Variants in MTREX observed in about 807,000 individuals in gnomAD.
MTREX encodes the protein Mtr4 exosome RNA helicase, also known as exosome RNA helicase MTR4.
Under a neutral mutation model 135.4 loss-of-function variants are expected in MTREX, and 76 were observed. That is an observed-to-expected ratio of 0.56 (90% confidence interval 0.47 to 0.68). The LOEUF (loss-of-function observed/expected upper bound fraction) is 0.68, where lower values mean the gene tolerates loss of function less well. Ranked by LOEUF, MTREX falls within the 30% of genes least tolerant of loss-of-function variation. MTREX has a pLI of 0.00. For missense variants in MTREX, 920 were observed against 1,262.1 expected (o/e 0.73, Z 4.11); for synonymous variants, 404 against 401.6 (o/e 1.01, Z -0.07).
intron 18 of MTREX, among the ~76,000 whole-genome samples, 176 bp from the exon 19 acceptor site, chr5:55,387,798 A>C (rs111864644): frequency 6.6e-6 from 1 of 152,102 alleles, no homozygotes; most frequent in Admixed American, 6.6e-5. Context: ...TTCTCATCCA[A>C]TGGAACATGT....
At chr5:55,416,253 C>G (rs1750964162) in intron 25 of MTREX, 121 bp downstream of exon 25, 1 of 606,602 alleles carries the variant, frequency 1.6e-6, no homozygotes, top group Non-Finnish European at 2.7e-6. Flanking sequence ...GAAATCTTCT[C>G]CCTATTATAT....
chr5:55,308,285 T>C (rs923864316), intron 1 of MTREX, 138 bp downstream of exon 1: 23 of 1,042,714 alleles, frequency 2.2e-5, no homozygotes, highest in Admixed American at 1.4e-4. Context: ...CAGAAAAAAG[T>C]TGGAGAGGGT....
At chr5:55,369,219 CTTAATA>C (rs1217733065) in intron 16 of MTREX, among the ~76,000 whole-genome samples, 14 of 152,076 alleles carry the variant, frequency 9.2e-5, no homozygotes, top group East Asian at 1.9e-4. Flanking sequence ...CAGATTAGTA[CTTAATA>C]TTAATTTTAC....
intron 2 of MTREX, 136 bp downstream of exon 2, chr5:55,322,600 C>T: frequency 1.6e-6 from 1 of 612,448 alleles, no homozygotes; most frequent in East Asian, 3.0e-5. Flanking sequence ...TATTTTTACA[C>T]AGGCATGTAA....
intron 19 of MTREX, among the ~76,000 whole-genome samples, chr5:55,394,555 G>A (rs1159829198): frequency 1.3e-5 from 2 of 152,058 alleles, no homozygotes; most frequent in Non-Finnish European, 2.9e-5. Context: ...CCTTGCATGT[G>A]CCATGTTTGC....
Position 55,391,628 on chromosome 5 carries a change from C to CT in MTREX, c.2181+3527dup, listed in dbSNP as rs372795879. Among the ~76,000 whole-genome samples, 203 of 152,310 alleles carry CT rather than the reference C, an allele frequency of 1.3e-3. 2 individuals carry two copies. The Middle Eastern group carries it at 0.024, about 18-fold the overall frequency. On this transcript the variant is annotated intron_variant, in intron 19 of 26. Coordinates refer to ENST00000230640, the MANE Select transcript of MTREX (RefSeq NM_015360.5). Reference sequence around the variant, plus strand: ...TAAGGAGGAACAGAGGACTAAAACTCTGACTGCTGTTCTTTGTTCTAAATT... The same window carrying CT: ...TAAGGAGGAACAGAGGACTAAAACTCTTGACTGCTGTTCTTTGTTCTAAATT...
chr5:55,307,994 T>C lies in MTREX; in HGVS notation c.-20T>C, dbSNP rs2290595. ...GGGCATCGTGGGTAGGAGGGAGATT[T>C]GCTCTCACTGCTCCCAAAAATGGCG... On this transcript the variant is annotated 5_prime_UTR_variant, in exon 1 of 27. Transcript: ENST00000230640. 518,905 of 1,613,454 alleles carry C rather than the reference T, an allele frequency of 0.32. 88,625 individuals are homozygous for C. The highest frequency in any genetic ancestry group is 0.56 in the African/African-American group (41,845 of 74,908).
intron 12 of MTREX, 101 bp downstream of exon 12, chr5:55,349,753 A>G: frequency 5.9e-6 from 4 of 676,512 alleles, no homozygotes; most frequent in Non-Finnish European, 8.0e-6. Flanking sequence ...CTTTTCACAC[A>G]CTGTAGCATA....
chr5:55,375,937 G>A (rs543782580), intron 16 of MTREX, among the ~76,000 whole-genome samples: 110 of 152,294 alleles, frequency 7.2e-4, no homozygotes, highest in Admixed American at 1.1e-3. Context: ...ATATAAATGT[G>A]CCATGGCGAT....
intron 13 of MTREX, 35 bp downstream of exon 13, chr5:55,351,064 T>C: frequency 6.4e-7 from 1 of 1,561,072 alleles, no homozygotes; most frequent in Non-Finnish European, 8.6e-7. Context: ...TGCCCCCATA[T>C]CATGTTGTAT....
chr5:55,400,943 G>C (rs184747300), intron 21 of MTREX, among the ~76,000 whole-genome samples: 44 of 152,296 alleles, frequency 2.9e-4, no homozygotes, highest in African/African-American at 1.0e-3. Context: ...CTGTCTTTCA[G>C]TTAGCATGTC....
chr5:55,322,863 G>A (rs80281505), intron 2 of MTREX, among the ~76,000 whole-genome samples: 28,419 of 152,088 alleles, frequency 0.19, 2,732 homozygotes, highest in Admixed American at 0.19. Context: ...TGTTGCATGT[G>A]GAGTAGAGTG....
intron 19 of MTREX, among the ~76,000 whole-genome samples, chr5:55,393,728 G>C (rs1274301955): frequency 6.6e-6 from 1 of 152,202 alleles, no homozygotes; most frequent in Non-Finnish European, 1.5e-5. Context: ...GCTGCATCAT[G>C]TTGAACCTGA....
intron 3 of MTREX, among the ~76,000 whole-genome samples, chr5:55,325,680 G>A (rs1314652522): frequency 2.6e-5 from 4 of 151,852 alleles, no homozygotes; most frequent in Non-Finnish European, 5.9e-5. Context: ...GGTATATCGT[G>A]TAATGCTGAG....
At chr5:55,356,231 G>T (rs1316305691) in intron 14 of MTREX, 1 of 152,428 alleles carries the variant, frequency 6.6e-6, no homozygotes, top group Non-Finnish European at 1.5e-5. Context: ...TCCAGAGAGG[G>T]TAACAGTCCT....
intron 19 of MTREX, among the ~76,000 whole-genome samples, chr5:55,396,925 G>T (rs922770047): frequency 6.6e-6 from 1 of 152,224 alleles, no homozygotes; most frequent in African/African-American, 2.4e-5. Context: ...AAACATGGAA[G>T]AAAGTTTGCA....
chr5:55,328,455 T>C (rs578036877), intron 4 of MTREX, among the ~76,000 whole-genome samples: 21 of 152,172 alleles, frequency 1.4e-4, no homozygotes, highest in Non-Finnish European at 2.9e-4. Context: ...ATTATTAATA[T>C]AATAGACACC....
At chr5:55,367,100 A>G (rs189519907) in intron 16 of MTREX, among the ~76,000 whole-genome samples, 9 of 152,348 alleles carry the variant, frequency 5.9e-5, no homozygotes, top group Admixed American at 4.6e-4. Context: ...CAAATTTAGT[A>G]TAATTCTTGT....
At chr5:55,379,342 A>C in intron 18 of MTREX, 147 bp downstream of exon 18, 1 of 540,734 alleles carries the variant, frequency 1.8e-6, no homozygotes, top group Non-Finnish European at 3.3e-6. Context: ...TTTGGAATAC[A>C]CCCGGCTAAT....
Sources: allele counts gnomAD v4.1 joint callset (sites outside exome capture counted in the v4.1 genomes callset), GRCh38; gene constraint gnomAD v4.1.1; transcripts MANE v1.5; gene names NCBI Gene and HGNC (gene_info 2026-07-23, HGNC 2026-07-21).